The following USP10 variants were observed in gnomAD, a reference collection of about 807,000 sequenced individuals.
USP10 encodes ubiquitin carboxyl-terminal hydrolase 10.
Under a neutral mutation model 84.5 loss-of-function variants are expected in USP10, and 22 were observed. The observed-to-expected ratio is 0.26, with a 90% CI of 0.19 to 0.37. The LOEUF is 0.37. USP10 is among the 10% of genes least tolerant of loss of function. The pLI is 1.00. For synonymous variants in USP10, 454 were observed against 387.6 expected, an observed-to-expected ratio of 1.17 and a Z score of -2.01; for missense variants, 1,019 against 998.9, an observed-to-expected ratio of 1.02 and a Z score of -0.27.
In USP10 at chr16:84,768,096, A is replaced by G. The variant is rs1321963383; in HGVS notation, c.1833-97A>G. ...TGTGGTCTTTTGAAAGTGATATTGA[A>G]TAATCTTATTTTCAGTGTTTATTCC... On this transcript the variant is annotated intron_variant, in intron 10 of 13. Transcript: ENST00000219473. 3.0e-6 allele frequency: 4 copies of G among 1,322,420 alleles called. No individual in the cohort carries two copies. The African/African-American group carries it at 4.5e-5, about 15-fold the overall frequency. The allele number at this position is 1,322,420 out of a possible 1,614,324, so 81.9% of individuals were successfully genotyped here. A position where few individuals can be genotyped will look rare whatever the true frequency, so the allele number is the denominator to read the frequency against.
At chr16:84,744,579 G>C in intron 3 of USP10, 54 bp from the exon 4 acceptor site, 1 of 1,452,820 alleles carries the variant, frequency 6.9e-7, no homozygotes, top group Non-Finnish European at 9.2e-7. Context: ...GTAATTACTG[G>C]TACTTAGAGT....
rs1912924362 is a variant in USP10, at chr16:84,759,247, A to G, written c.1285-116A>G. ...CCTTTTCGTGGTGACATATCTAAGT[A>G]GTTCAACGTCCTTAGCTTCCTTGTG... On this transcript the variant is annotated intron_variant, in intron 5 of 13. Coordinates refer to ENST00000219473, the MANE Select transcript of USP10 (RefSeq NM_005153.3). The G allele has an allele frequency of 1.6e-5, 14 of 896,928 alleles. No individual in the cohort carries two copies. In the Admixed American group the frequency reaches 1.8e-4, roughly 12 times the overall value. The allele number at this position is 896,928 out of a possible 1,614,324, so 55.6% of individuals were successfully genotyped here. A position where few individuals can be genotyped will look rare whatever the true frequency, so the allele number is the denominator to read the frequency against.
intron 1 of USP10, among the ~76,000 whole-genome samples, chr16:84,701,732 A>G (rs957488822): frequency 2.6e-5 from 4 of 152,192 alleles, no homozygotes; most frequent in African/African-American, 9.7e-5. Flanking sequence ...TTTCGTTTGC[A>G]TTCATTGTCC....
At chr16:84,739,655 A>C (rs1242303431) in intron 2 of USP10, among the ~76,000 whole-genome samples, 1 of 152,268 alleles carries the variant, frequency 6.6e-6, no homozygotes, top group Non-Finnish European at 1.5e-5. Context: ...AGCTAGGAAG[A>C]AGAAAAATTT....
At chr16:84,706,896 C>A (rs1049034660) in intron 1 of USP10, among the ~76,000 whole-genome samples, 1 of 148,118 alleles carries the variant, frequency 6.8e-6, no homozygotes, top group Non-Finnish European at 1.5e-5. Flanking sequence ...TAGATCTGAT[C>A]ATTGGAGAAG....
intron 12 of USP10, among the ~76,000 whole-genome samples, chr16:84,774,341 G>A (rs760956334): frequency 6.6e-5 from 10 of 152,148 alleles, no homozygotes; most frequent in African/African-American, 1.9e-4. Flanking sequence ...TGCCTCCGAC[G>A]GACTCTTGTG....
chr16:84,719,405 G>A (rs935429121), intron 1 of USP10, among the ~76,000 whole-genome samples: 5 of 152,280 alleles, frequency 3.3e-5, no homozygotes, highest in Non-Finnish European at 5.9e-5. Context: ...AACTCCAACT[G>A]TAAGTCAGAA....
intron 1 of USP10, among the ~76,000 whole-genome samples, chr16:84,719,044 G>A (rs1467188849): frequency 2.0e-5 from 3 of 151,840 alleles, no homozygotes; most frequent in Admixed American, 1.3e-4. Flanking sequence ...CACCCGTCTC[G>A]GCCTCCCAAA....
chr16:84,734,778 C>T (rs564434838), intron 2 of USP10, among the ~76,000 whole-genome samples: 4 of 152,244 alleles, frequency 2.6e-5, no homozygotes, highest in Admixed American at 1.3e-4. Flanking sequence ...TTTGTTTTCA[C>T]GCTTCAGTGT....
intron 11 of USP10, among the ~76,000 whole-genome samples, chr16:84,770,327 T>C (rs1387047935): frequency 6.6e-6 from 1 of 152,246 alleles, no homozygotes; most frequent in Non-Finnish European, 1.5e-5. Context: ...AATGTGTTTT[T>C]TTTTAAGTTT....
intron 8 of USP10, among the ~76,000 whole-genome samples, chr16:84,762,311 A>G (rs1343602233): frequency 3.9e-5 from 6 of 152,230 alleles, no homozygotes; most frequent in Non-Finnish European, 1.5e-5. Context: ...GCAGTTGAAC[A>G]GTGAACTGGC....
Position 84,764,077 on chromosome 16 carries a change from C to T in USP10, c.1655-9C>T. Reference sequence around the variant, plus strand: ...AAATAGTAGTGTAAGCAGATGCTCTCCTTTTCAGAACTTACGATTTCCAAC... The same window carrying T: ...AAATAGTAGTGTAAGCAGATGCTCTTCTTTTCAGAACTTACGATTTCCAAC... On this transcript the variant is annotated splice_polypyrimidine_tract_variant and intron_variant, in intron 9 of 13. Transcript: ENST00000219473. 6.2e-7 allele frequency: 1 copy of T among 1,610,312 alleles called. No homozygotes were observed. Among genetic ancestry groups the T allele is most frequent in the Non-Finnish European group, 8.5e-7 (1 of 1,178,368 alleles).
chr16:84,747,625 A>G lies in USP10; in HGVS notation c.1192+1952A>G, dbSNP rs1274642683. Among the ~76,000 whole-genome samples, 41 of 128,706 alleles carry G rather than the reference A, an allele frequency of 3.2e-4. 3 individuals are homozygous for G. Among genetic ancestry groups the G allele is most frequent in the Non-Finnish European group, 1.6e-5 (1 of 64,166 alleles). 84.4% of individuals were successfully genotyped at this position (128,706 alleles called of 152,430 possible). The stretch of plus-strand genomic sequence containing the variant: ...TTGCTCAGGCTGTAGTGCAGGAGGC[A>G]CGATCTTGGCTCACTACAACCTCCG... On this transcript the variant is annotated intron_variant, in intron 4 of 13. Transcript: ENST00000219473.
At chr16:84,746,460 T>C (rs1023796478) in intron 4 of USP10, among the ~76,000 whole-genome samples, 1 of 152,218 alleles carries the variant, frequency 6.6e-6, no homozygotes, top group Non-Finnish European at 1.5e-5. Flanking sequence ...AGCCTATTAC[T>C]CCCGGGCTGC....
intron 11 of USP10, among the ~76,000 whole-genome samples, chr16:84,770,073 C>T (rs965759792): frequency 6.6e-6 from 1 of 152,104 alleles, no homozygotes; most frequent in African/African-American, 2.4e-5. Context: ...CACGCCACTG[C>T]ACTCCAGCCT....
chr16:84,708,570 G>T (rs1257564744), intron 1 of USP10, among the ~76,000 whole-genome samples: 2 of 152,172 alleles, frequency 1.3e-5, no homozygotes, highest in African/African-American at 4.8e-5. Context: ...ACCTGCCCTA[G>T]GGAATAATGA....
chr16:84,744,185 C>T (rs973328591), intron 3 of USP10, among the ~76,000 whole-genome samples: 1 of 151,988 alleles, frequency 6.6e-6, no homozygotes, highest in South Asian at 2.1e-4. Flanking sequence ...AATCAAATCA[C>T]GTTAACTACA....
intron 1 of USP10, among the ~76,000 whole-genome samples, chr16:84,708,301 T>A (rs1905815338): frequency 6.6e-6 from 1 of 151,946 alleles, no homozygotes; most frequent in African/African-American, 2.4e-5. Context: ...AATACAAAAA[T>A]TAGCCGAGTG....
At chr16:84,704,656 A>G (rs1905252089) in intron 1 of USP10, 3 of 1,431,424 alleles carry the variant, frequency 2.1e-6, no homozygotes, top group Non-Finnish European at 2.7e-6. Context: ...GGATCAGAAA[A>G]TGTAGAATTT....
Sources: allele counts gnomAD v4.1 joint callset (sites outside exome capture counted in the v4.1 genomes callset), GRCh38; gene constraint gnomAD v4.1.1; transcripts MANE v1.5; gene names NCBI Gene and HGNC (gene_info 2026-07-23, HGNC 2026-07-21).